The following NPSR1 variants were observed in gnomAD, a reference collection of about 807,000 sequenced individuals.
The protein encoded by NPSR1 is neuropeptide S receptor.
In NPSR1, 48 loss-of-function variants were observed where a neutral mutation model predicts 46.9. That is an observed-to-expected ratio of 1.02 (90% CI 0.81 to 1.30). The LOEUF (loss-of-function observed/expected upper bound fraction) is 1.30. NPSR1 is among the 50% of genes most tolerant of loss of function. NPSR1 has a pLI of 0.00. For synonymous variants in NPSR1, 176 were observed against 168.1 expected (o/e 1.05, Z -0.36); for missense variants, 450 against 449.5 (o/e 1.00, Z -0.01).
chr7:34,844,993 T>C lies in NPSR1; in HGVS notation c.844+11T>C. The C allele has an allele frequency of 6.3e-7, 1 of 1,595,162 alleles. No individual in the cohort carries two copies. The highest frequency in any genetic ancestry group is 8.6e-7 in the Non-Finnish European group (1 of 1,162,778). ...TCATCATCATTCTTGGTAAGCAATG[T>C]CCCTCCTTGAGCTGTAAAGTGGTAT... On this transcript the variant is annotated intron_variant, in intron 7 of 8. Transcript: ENST00000360581.
intron 5 of NPSR1, among the ~76,000 whole-genome samples, chr7:34,831,094 C>T (rs1790097434): frequency 6.6e-6 from 1 of 152,188 alleles, no homozygotes; most frequent in Non-Finnish European, 1.5e-5. Flanking sequence ...TTGTCCATGT[C>T]GTCATCTAGA....
chr7:34,778,365 C>A, intron 2 of NPSR1, 97 bp from the exon 3 acceptor site: 2 of 639,766 alleles, frequency 3.1e-6, no homozygotes, highest in South Asian at 2.4e-5. Flanking sequence ...AAAAATGAAC[C>A]TCCCCAGGAT....
chr7:34,862,573 A>G (rs1265782141), intron 8 of NPSR1, among the ~76,000 whole-genome samples: 1 of 151,608 alleles, frequency 6.6e-6, no homozygotes, highest in Non-Finnish European at 1.5e-5. Context: ...GCCTGGATGG[A>G]CCCTAACTCA....
chr7:34,845,417 C>T (rs993758154), intron 7 of NPSR1, among the ~76,000 whole-genome samples: 1 of 152,058 alleles, frequency 6.6e-6, no homozygotes, highest in African/African-American at 2.4e-5. Context: ...CCTTACCTGT[C>T]CTTCCACCCT....
intron 2 of NPSR1, among the ~76,000 whole-genome samples, chr7:34,686,670 T>A (rs555260630): frequency 6.6e-6 from 1 of 152,160 alleles, no homozygotes; most frequent in Non-Finnish European, 1.5e-5. Context: ...CAGTATCTCA[T>A]CTTTCTGAGC....
At chr7:34,784,882 C>T (rs1456191907) in intron 3 of NPSR1, among the ~76,000 whole-genome samples, 1 of 152,102 alleles carries the variant, frequency 6.6e-6, no homozygotes, top group African/African-American at 2.4e-5. Context: ...CAGGAAACAA[C>T]AGGTGCTGGA....
At chr7:34,668,009 T>C (rs1791840737) in intron 1 of NPSR1, among the ~76,000 whole-genome samples, 1 of 152,034 alleles carries the variant, frequency 6.6e-6, no homozygotes, top group Non-Finnish European at 1.5e-5. Flanking sequence ...TTAATATTAA[T>C]GTAAAATAAA....
At chr7:34,792,479 G>C (rs1355682008) in intron 3 of NPSR1, among the ~76,000 whole-genome samples, 2 of 145,248 alleles carry the variant, frequency 1.4e-5, no homozygotes, top group African/African-American at 5.1e-5. Context: ...GGGAAACATG[G>C]CAAACCCCTA....
At chr7:34,812,495 A>G (rs1014376199) in intron 4 of NPSR1, among the ~76,000 whole-genome samples, 1 of 152,178 alleles carries the variant, frequency 6.6e-6, no homozygotes, top group Non-Finnish European at 1.5e-5. Context: ...GGCTGCATCA[A>G]TGTGGAGTGT....
chr7:34,785,372 G>A (rs943925803), intron 3 of NPSR1, among the ~76,000 whole-genome samples: 9 of 121,132 alleles, frequency 7.4e-5, no homozygotes, highest in African/African-American at 2.2e-4. Flanking sequence ...CACACTCTGG[G>A]CACTGTTGTG....
chr7:34,855,872 T>C (rs73693329), intron 8 of NPSR1, among the ~76,000 whole-genome samples: 9,656 of 152,170 alleles, frequency 0.063, 794 homozygotes, highest in African/African-American at 0.19. Flanking sequence ...AGAAAATCAC[T>C]CAACTCGTTA....
In NPSR1 at chr7:34,839,361, G is replaced by C. The variant is rs536782095; in HGVS notation, c.757+4901G>C. 3.9e-5 allele frequency among the ~76,000 whole-genome samples: 6 copies of C among 152,300 alleles called. No homozygotes were observed. In the East Asian group the frequency reaches 9.7e-4, roughly 25 times the overall value. ...TAAAATAGACAAGGAAAATTCAAGA[G>C]ACATGAGTAGCCTAGACATTCCTAG... On this transcript the variant is annotated intron_variant, in intron 6 of 8. Coordinates refer to ENST00000360581, the MANE Select transcript of NPSR1 (RefSeq NM_207172.2).
chr7:34,762,753 C>T (rs324959), intron 2 of NPSR1, among the ~76,000 whole-genome samples: 53,744 of 152,056 alleles, frequency 0.35, 9,904 homozygotes, highest in African/African-American at 0.47. Flanking sequence ...AGGTCATCTG[C>T]AACACCACAA....
At chr7:34,674,703 G>C (rs561123098) in intron 1 of NPSR1, among the ~76,000 whole-genome samples, 1 of 152,096 alleles carries the variant, frequency 6.6e-6, no homozygotes, top group Non-Finnish European at 1.5e-5. Context: ...CTGAAAACAT[G>C]AGGGGCACGG....
In NPSR1 at chr7:34,658,256, T is replaced by C. The variant is rs1463760766; in HGVS notation, c.-157T>C. The stretch of plus-strand genomic sequence containing the variant: ...GAGAGAGCAGCACGTAGATCCTCCC[T>C]GTCATCAGGCAGAGCTCTTCAGTGA... On this transcript the variant is annotated 5_prime_UTR_variant, in exon 1 of 9. Transcript: ENST00000360581. 1.4e-6 allele frequency: 1 copy of C among 717,906 alleles called. No individual in the cohort carries two copies. Among genetic ancestry groups the C allele is most frequent in the Non-Finnish European group, 2.3e-6 (1 of 438,246 alleles). 44.5% of individuals were successfully genotyped at this position (717,906 alleles called of 1,614,324 possible).
At chr7:34,792,664 T>TG (rs1562733068) in intron 3 of NPSR1, among the ~76,000 whole-genome samples, 70 of 70,918 alleles carry the variant, frequency 9.9e-4, no homozygotes, top group African/African-American at 4.0e-3. Flanking sequence ...TATATATATA[T>TG]TTATATATAT....
At chr7:34,701,773 T>C (rs576739382) in intron 2 of NPSR1, among the ~76,000 whole-genome samples, 1 of 152,222 alleles carries the variant, frequency 6.6e-6, no homozygotes, top group Non-Finnish European at 1.5e-5. Context: ...CTAATAGGCA[T>C]TGTCAGGTAA....
chr7:34,852,652 A>C (rs1289144949), downstream of NPSR1, among the ~76,000 whole-genome samples: 6 of 152,186 alleles, frequency 3.9e-5, no homozygotes, highest in Non-Finnish European at 8.8e-5. Context: ...ATCATTTCCC[A>C]ACTGAGAAAT....
At chr7:34,869,610 A>C (rs533410529) in intron 8 of NPSR1, among the ~76,000 whole-genome samples, 2 of 151,818 alleles carry the variant, frequency 1.3e-5, no homozygotes, top group East Asian at 3.9e-4. Flanking sequence ...TTGGGGCGAA[A>C]GTCTACACAC....
Sources: allele counts gnomAD v4.1 joint callset (sites outside exome capture counted in the v4.1 genomes callset), GRCh38; gene constraint gnomAD v4.1.1; transcripts MANE v1.5; gene names NCBI Gene and HGNC (gene_info 2026-07-23, HGNC 2026-07-21).